The following SOX5 variants were observed in gnomAD, a reference collection of about 807,000 sequenced individuals.
The protein encoded by SOX5 is SRY-box transcription factor 5, also known as transcription factor SOX-5.
Under a neutral mutation model 92.0 loss-of-function variants are expected in SOX5, and 9 were observed. The observed-to-expected ratio is 0.10, with a 90% confidence interval of 0.06 to 0.17. The LOEUF (loss-of-function observed/expected upper bound fraction) is 0.17, where lower values mean the gene tolerates loss of function less well. Among genes scored for constraint, SOX5 ranks in the 10% least tolerant of loss-of-function variants. The probability of loss-of-function intolerance (pLI) is 1.00; values close to 1 mark genes in which losing one functional copy is unlikely to be tolerated. For missense variants in SOX5, 642 were observed against 944.5 expected, an observed-to-expected ratio of 0.68 and a Z score of 4.20; for synonymous variants, 344 against 336.3, an observed-to-expected ratio of 1.02 and a Z score of -0.25.
chr12:24,490,255 G>T (rs1946920416), intron 1 of SOX5, among the ~76,000 whole-genome samples: 1 of 152,212 alleles, frequency 6.6e-6, no homozygotes, highest in African/African-American at 2.4e-5. Flanking sequence ...AACAGATTCA[G>T]ATTTTAGTTT....
chr12:24,428,852 T>A (rs1967097991), intron 1 of SOX5, among the ~76,000 whole-genome samples: 1 of 151,324 alleles, frequency 6.6e-6, no homozygotes, highest in Non-Finnish European at 1.5e-5. Flanking sequence ...GTGAGCCGGT[T>A]AATGGATTAT....
intron 9 of SOX5, among the ~76,000 whole-genome samples, chr12:23,594,261 C>T (rs77408850): frequency 2.6e-5 from 4 of 152,120 alleles, no homozygotes; most frequent in East Asian, 3.9e-4. Flanking sequence ...TCCGTACTTG[C>T]TGCCCTTCTT....
At chr12:23,716,419 A>T (rs1023550246) in intron 6 of SOX5, among the ~76,000 whole-genome samples, 8 of 152,220 alleles carry the variant, frequency 5.3e-5, no homozygotes, top group Non-Finnish European at 1.2e-4. Flanking sequence ...ATACTGGGAC[A>T]GTCGATTATG....
chr12:23,804,492 A>G (rs1811430375), intron 3 of SOX5, among the ~76,000 whole-genome samples: 1 of 152,114 alleles, frequency 6.6e-6, no homozygotes, highest in Non-Finnish European at 1.5e-5. Context: ...AATCATCAAT[A>G]GCTTTTCAGG....
At chr12:24,402,474 A>T (rs1397449943) in intron 1 of SOX5, among the ~76,000 whole-genome samples, 1 of 152,122 alleles carries the variant, frequency 6.6e-6, no homozygotes, top group African/African-American at 2.4e-5. Context: ...CCTCTTTTGT[A>T]TCTTTTTCTT....
chr12:23,946,875 C>T (rs1334714090), intron 1 of SOX5, among the ~76,000 whole-genome samples: 2 of 151,868 alleles, frequency 1.3e-5, no homozygotes, highest in African/African-American at 4.8e-5. Flanking sequence ...CTTTTAGAAT[C>T]ACTGTTCTAT....
At chr12:23,901,100 A>AT (rs1283687352) in intron 1 of SOX5, among the ~76,000 whole-genome samples, 1 of 152,212 alleles carries the variant, frequency 6.6e-6, no homozygotes, top group East Asian at 1.9e-4. Flanking sequence ...AAATGGGGAG[A>AT]TTATTCTGAA....
chr12:24,286,185 AAAAAGAG>A (rs1353457280), intron 2 of SOX5, among the ~76,000 whole-genome samples: 1 of 152,212 alleles, frequency 6.6e-6, no homozygotes, highest in African/African-American at 2.4e-5. Flanking sequence ...GTGACAGTAA[AAAAAGAG>A]AAAAAAGGGA....
intron 3 of SOX5, among the ~76,000 whole-genome samples, chr12:23,787,106 G>T (rs2095394343): frequency 9.0e-6 from 1 of 111,690 alleles, no homozygotes; most frequent in Non-Finnish European, 2.0e-5. Flanking sequence ...ATGGAGGAAG[G>T]AGTAGAGTAT....
rs200627595 is a variant in SOX5, at chr12:24,239,569, T to C, written c.-76-26152A>G. Reference sequence around the variant, plus strand: ...CTTATAAGCACAACGTGTGACCAGGTAATACTGTCTGGATTAGCAGCTGTA... The same window carrying C: ...CTTATAAGCACAACGTGTGACCAGGCAATACTGTCTGGATTAGCAGCTGTA... On this transcript the variant is annotated intron_variant, in intron 3 of 4. Coordinates refer to the SOX5 transcript ENST00000446891. Among the ~76,000 whole-genome samples, 5 of 152,148 alleles carry C rather than the reference T, an allele frequency of 3.3e-5. No homozygotes were observed. The East Asian group carries it at 9.6e-4, about 29-fold the overall frequency.
chr12:23,704,917 A>T (rs1442817795), intron 6 of SOX5, among the ~76,000 whole-genome samples: 2 of 151,518 alleles, frequency 1.3e-5, no homozygotes, highest in Non-Finnish European at 2.9e-5. Flanking sequence ...GAATTATTTC[A>T]TCCAATATTA....
intron 4 of SOX5, among the ~76,000 whole-genome samples, chr12:23,976,376 G>A (rs1194704312): frequency 2.1e-5 from 2 of 95,604 alleles, no homozygotes; most frequent in Non-Finnish European, 3.8e-5. Flanking sequence ...ACATTTCTAA[G>A]AGGTGAACAC....
chr12:24,222,337 G>T (rs984140344), intron 3 of SOX5, among the ~76,000 whole-genome samples: 13 of 152,196 alleles, frequency 8.5e-5, no homozygotes, highest in African/African-American at 2.9e-4. Flanking sequence ...TCCAGGCAAT[G>T]GTTTATTTTG....
At chr12:23,673,060 G>T (rs2085053762) in intron 6 of SOX5, among the ~76,000 whole-genome samples, 1 of 151,978 alleles carries the variant, frequency 6.6e-6, no homozygotes. Context: ...CATATTAAAA[G>T]TTGCTAATCA....
intron 1 of SOX5, among the ~76,000 whole-genome samples, chr12:24,519,686 A>T (rs747178359): frequency 2.9e-4 from 44 of 152,248 alleles, no homozygotes; most frequent in Non-Finnish European, 6.0e-4. Context: ...ATAACAAATC[A>T]TTAAGGCCTT....
At chr12:24,155,749 G>A (rs189620476) in intron 4 of SOX5, among the ~76,000 whole-genome samples, 175 of 152,216 alleles carry the variant, frequency 1.1e-3, no homozygotes, top group African/African-American at 3.9e-3. Context: ...CTGTGCTAAC[G>A]AAATGAGACT....
intron 1 of SOX5, among the ~76,000 whole-genome samples, chr12:24,402,987 T>C (rs558140328): frequency 6.6e-6 from 1 of 152,192 alleles, no homozygotes; most frequent in African/African-American, 2.4e-5. Context: ...TTCCCCTACA[T>C]GAAAATCTTT....
chr12:24,091,428 A>ATTTTTTTTTTTT (rs556198750), intron 4 of SOX5, among the ~76,000 whole-genome samples: 2 of 122,696 alleles, frequency 1.6e-5, no homozygotes, highest in African/African-American at 6.2e-5. Flanking sequence ...AGAGAATGCT[A>ATTTTTTTTTTTT]TTTTTTTTTT....
intron 4 of SOX5, among the ~76,000 whole-genome samples, chr12:24,146,296 C>G (rs1249796060): frequency 6.6e-6 from 1 of 152,020 alleles, no homozygotes; most frequent in East Asian, 1.9e-4. Context: ...CCCTAACTAT[C>G]ATAAAAATAA....
Sources: allele counts gnomAD v4.1 joint callset (sites outside exome capture counted in the v4.1 genomes callset), GRCh38; gene constraint gnomAD v4.1.1; transcripts MANE v1.5; gene names NCBI Gene and HGNC (gene_info 2026-07-23, HGNC 2026-07-21).